Variants in RNF150 observed in about 807,000 individuals in gnomAD.
RNF150 encodes the protein ring finger protein 150.
Under a neutral mutation model 39.3 loss-of-function variants are expected in RNF150, and 24 were observed. The ratio of observed to expected loss-of-function variants is 0.61; its 90% CI spans 0.44 to 0.86. The LOEUF is 0.86. Among genes scored for constraint, RNF150 ranks in the 40% least tolerant of loss-of-function variants. RNF150 has a pLI of 0.00. For synonymous variants in RNF150, 255 were observed against 227.3 expected (o/e 1.12, Z -1.10); for missense variants, 502 against 587.8 (o/e 0.85, Z 1.51).
At chr4:140,956,781 C>T (rs1006406921) in intron 2 of RNF150, among the ~76,000 whole-genome samples, 1 of 152,018 alleles carries the variant, frequency 6.6e-6, no homozygotes, top group South Asian at 2.1e-4. Flanking sequence ...CTTTGACAAA[C>T]CTGAGAAAAA....
At chr4:141,119,872 T>C (rs1430626495) in intron 1 of RNF150, among the ~76,000 whole-genome samples, 2 of 152,320 alleles carry the variant, frequency 1.3e-5, no homozygotes, top group African/African-American at 2.4e-5. Flanking sequence ...CCAGCAAGAA[T>C]AGCTCTGCTA....
At chr4:140,878,164 G>GT (rs58338048) in intron 6 of RNF150, among the ~76,000 whole-genome samples, 15,536 of 90,432 alleles carry the variant, frequency 0.17, 1,946 homozygotes, top group Middle Eastern at 0.26. Context: ...ATCTCATTGT[G>GT]TTTTTTTTTT....
chr4:141,205,942 T>G (rs1358837433), intron 1 of RNF150, among the ~76,000 whole-genome samples: 5 of 152,196 alleles, frequency 3.3e-5, no homozygotes, highest in Non-Finnish European at 7.3e-5. Flanking sequence ...ATCTAGCATC[T>G]TCAGTTTCTG....
At chr4:141,009,024 T>A (rs1734969520) in intron 1 of RNF150, among the ~76,000 whole-genome samples, 1 of 152,212 alleles carries the variant, frequency 6.6e-6, no homozygotes, top group African/African-American at 2.4e-5. Flanking sequence ...CCATAATTAA[T>A]CAGTAAATAA....
At chr4:141,017,865 G>A (rs564911981) in intron 1 of RNF150, among the ~76,000 whole-genome samples, 17 of 152,100 alleles carry the variant, frequency 1.1e-4, no homozygotes, top group African/African-American at 4.1e-4. Context: ...ATATTCCCTT[G>A]GTTATATGTA....
intron 6 of RNF150, among the ~76,000 whole-genome samples, chr4:140,872,141 T>C (rs1728972262): frequency 6.6e-6 from 1 of 152,234 alleles, no homozygotes; most frequent in African/African-American, 2.4e-5. Context: ...TGTTTTACTT[T>C]GAGGCTACAA....
At chr4:141,094,100 T>C (rs1738690957) in intron 1 of RNF150, among the ~76,000 whole-genome samples, 1 of 152,168 alleles carries the variant, frequency 6.6e-6, no homozygotes, top group African/African-American at 2.4e-5. Context: ...GAAAATGTTG[T>C]AAATGTAGAT....
At chr4:141,037,521 T>C (rs1349424385) in intron 1 of RNF150, among the ~76,000 whole-genome samples, 1 of 152,148 alleles carries the variant, frequency 6.6e-6, no homozygotes, top group Non-Finnish European at 1.5e-5. Context: ...GCTCAAAAAA[T>C]GTTAGAATTT....
chr4:140,979,589 T>C (rs539394804), intron 1 of RNF150, among the ~76,000 whole-genome samples: 1 of 151,972 alleles, frequency 6.6e-6, no homozygotes, highest in Admixed American at 6.6e-5. Flanking sequence ...TAGAGCATTC[T>C]AGATAGTATG....
intron 1 of RNF150, among the ~76,000 whole-genome samples, chr4:140,991,943 A>T (rs920778530): frequency 6.6e-6 from 1 of 152,174 alleles, no homozygotes; most frequent in Non-Finnish European, 1.5e-5. Flanking sequence ...AAAATAATAC[A>T]AAATGTCTTC....
At chr4:140,940,929 C>G (rs1732059134) in intron 4 of RNF150, among the ~76,000 whole-genome samples, 1 of 152,162 alleles carries the variant, frequency 6.6e-6, no homozygotes. Context: ...CTGCCACTGC[C>G]AGCTTGCTCT....
At chr4:141,072,548 A>C (rs920713077) in intron 1 of RNF150, among the ~76,000 whole-genome samples, 2 of 152,242 alleles carry the variant, frequency 1.3e-5, no homozygotes, top group Admixed American at 1.3e-4. Flanking sequence ...GAACATTCTA[A>C]TTGTATAGTA....
intron 1 of RNF150, among the ~76,000 whole-genome samples, chr4:141,118,369 A>C (rs1188137004): frequency 2.0e-5 from 3 of 152,154 alleles, no homozygotes; most frequent in African/African-American, 7.2e-5. Context: ...GAGCACTTCA[A>C]ATAACTGCAA....
intron 6 of RNF150, among the ~76,000 whole-genome samples, chr4:140,875,205 A>G (rs187758214): frequency 1.5e-5 from 2 of 133,810 alleles, no homozygotes; most frequent in African/African-American, 5.8e-5. Context: ...GTCTTGCTCT[A>G]TCACCCAGGC....
chr4:141,129,582 C>T (rs1027815), intron 1 of RNF150, among the ~76,000 whole-genome samples: 122,631 of 152,114 alleles, frequency 0.81, 49,665 homozygotes, highest in East Asian at 1. Context: ...CATTGAAATG[C>T]ATACTTTAAA....
In RNF150 at chr4:141,195,107, T is replaced by TACACACACAC. The variant is rs71584397; in HGVS notation, c.-6+17677_-6+17686dup. 6.3e-3 allele frequency among the ~76,000 whole-genome samples: 944 copies of TACACACACAC among 150,158 alleles called. 8 individuals carry two copies. The highest frequency in any genetic ancestry group is 0.019 in the African/African-American group (765 of 40,960). ...CACATCCCCTTTCCAGATACATGAA[T>TACACACACAC]ACACACACACACACACACACCTGTG... On this transcript the variant is annotated intron_variant, in intron 1 of 7. Transcript: ENST00000420921.
intron 1 of RNF150, among the ~76,000 whole-genome samples, chr4:141,080,785 G>A (rs1267348198): frequency 6.6e-6 from 1 of 152,188 alleles, no homozygotes; most frequent in East Asian, 1.9e-4. Flanking sequence ...GGAGATATTA[G>A]GATTCTGGAG....
chr4:140,960,779 T>C (rs566554638), intron 2 of RNF150, among the ~76,000 whole-genome samples: 125 of 152,260 alleles, frequency 8.2e-4, no homozygotes, highest in African/African-American at 2.9e-3. Flanking sequence ...TAGACTAAAC[T>C]ATATGTAAGG....
chr4:141,179,193 G>A (rs540432336), intron 1 of RNF150, among the ~76,000 whole-genome samples: 2 of 152,256 alleles, frequency 1.3e-5, no homozygotes, highest in Non-Finnish European at 2.9e-5. Context: ...GCACCTGGTC[G>A]TTGATTGGTA....
Sources: allele counts gnomAD v4.1 joint callset (sites outside exome capture counted in the v4.1 genomes callset), GRCh38; gene constraint gnomAD v4.1.1; transcripts MANE v1.5; gene names NCBI Gene and HGNC (gene_info 2026-07-23, HGNC 2026-07-21).